Variants in C3orf70 observed in about 807,000 individuals in gnomAD.
C3orf70 encodes UPF0524 protein C3orf70.
In C3orf70, 15 loss-of-function variants were observed where a neutral mutation model predicts 20.7. The ratio of observed to expected loss-of-function variants is 0.72; its 90% CI spans 0.48 to 1.11. The LOEUF (loss-of-function observed/expected upper bound fraction) is 1.11. C3orf70 is among the 50% of genes most tolerant of loss of function. The pLI is 0.00. For missense variants in C3orf70, 332 were observed against 317.6 expected (o/e 1.05, Z -0.34); for synonymous variants, 161 against 125.7 (o/e 1.28, Z -1.88).
intron 1 of C3orf70, among the ~76,000 whole-genome samples, chr3:185,136,824 C>T (rs1451534085): frequency 6.6e-6 from 1 of 150,774 alleles, no homozygotes; most frequent in Non-Finnish European, 1.5e-5. Context: ...GCAGGAGAAT[C>T]GCCTGAACCC....
chr3:185,152,791 C>G lies in C3orf70; in HGVS notation c.33G>C (p.Arg11=), dbSNP rs752543182. Residue 11 remains arginine (R), a synonymous_variant, in exon 1 of 2, where the codon CGG becomes CGC. Coordinates refer to ENST00000335012, the MANE Select transcript of C3orf70 (RefSeq NM_001025266.3). The part of the protein sequence containing the change: MSAAASPASE[R]GWKSEKLDEA... ...CATCTAGTTTCTCGCTCTTCCAACC[C>G]CGCTCCGACGCCGGCGAGGCCGCCG... The G allele has an allele frequency of 6.4e-7, 1 of 1,569,530 alleles. No homozygotes were observed. The highest frequency in any genetic ancestry group is 1.1e-5 in the South Asian group (1 of 87,140).
At chr3:185,125,086 GA>G (rs1385961373) in intron 1 of C3orf70, among the ~76,000 whole-genome samples, 1 of 152,104 alleles carries the variant, frequency 6.6e-6, no homozygotes, top group Non-Finnish European at 1.5e-5. Flanking sequence ...CCACCACTTT[GA>G]AAAACAGTTT....
chr3:185,091,933 A>T (rs577555399), intron 1 of C3orf70, among the ~76,000 whole-genome samples: 3 of 16,754 alleles, frequency 1.8e-4, no homozygotes, highest in Non-Finnish European at 1.6e-4. Context: ...ATATATATAT[A>T]TATATATATA....
chr3:185,115,699 C>A (rs560298456), intron 1 of C3orf70, among the ~76,000 whole-genome samples: 1 of 152,284 alleles, frequency 6.6e-6, no homozygotes. Context: ...TATAACAAAG[C>A]CCCATAGCCT....
intron 1 of C3orf70, among the ~76,000 whole-genome samples, chr3:185,130,458 T>C (rs1716503336): frequency 6.6e-6 from 1 of 152,208 alleles, no homozygotes; most frequent in Non-Finnish European, 1.5e-5. Flanking sequence ...ATATAATTTT[T>C]ATTAGTATGA....
At chr3:185,096,700 G>A (rs1487116268) in intron 1 of C3orf70, among the ~76,000 whole-genome samples, 1 of 152,134 alleles carries the variant, frequency 6.6e-6, no homozygotes, top group Non-Finnish European at 1.5e-5. Context: ...CAGAACGTGT[G>A]GTTCCTTGGC....
At chr3:185,099,687 T>C (rs1715782082) in intron 1 of C3orf70, among the ~76,000 whole-genome samples, 1 of 151,930 alleles carries the variant, frequency 6.6e-6, no homozygotes, top group South Asian at 2.1e-4. Context: ...AACAGCATGA[T>C]AGCAGGATCA....
intron 1 of C3orf70, among the ~76,000 whole-genome samples, chr3:185,135,123 C>T (rs78437284): frequency 0.04 from 6,099 of 152,102 alleles, 223 homozygotes; most frequent in East Asian, 0.19. Flanking sequence ...GTCATAACAA[C>T]AAACCAGGGA....
chr3:185,124,754 A>G (rs1393392132), intron 1 of C3orf70, among the ~76,000 whole-genome samples: 1 of 152,206 alleles, frequency 6.6e-6, no homozygotes, highest in Non-Finnish European at 1.5e-5. Flanking sequence ...AGACTGGGAG[A>G]AAATATTTGC....
chr3:185,124,246 A>G (rs943459351), intron 1 of C3orf70, among the ~76,000 whole-genome samples: 1 of 152,214 alleles, frequency 6.6e-6, no homozygotes, highest in Non-Finnish European at 1.5e-5. Context: ...TCAATCCCCC[A>G]TAGGTACCAA....
chr3:185,129,224 C>A (rs551534944), intron 1 of C3orf70, among the ~76,000 whole-genome samples: 5 of 152,152 alleles, frequency 3.3e-5, no homozygotes, highest in East Asian at 1.9e-4. Context: ...TCCTGGCCCC[C>A]CTCCGTCTGC....
rs1286173035 is a variant in C3orf70 at position 185,142,354 on chromosome 3, G to C, written c.196+10274C>G. The stretch of plus-strand genomic sequence containing the variant: ...GCTTCTGTGGCCCCAGCCACTTGGA[G>C]GCTGAGGTGGAAGGACTGCTTGACC... On this transcript the variant is annotated intron_variant, in intron 1 of 1. Coordinates refer to ENST00000335012, the MANE Select transcript of C3orf70 (RefSeq NM_001025266.3). Among the ~76,000 whole-genome samples, 5 of 152,108 alleles carry C rather than the reference G, an allele frequency of 3.3e-5. No homozygotes were observed. The East Asian group carries it at 9.6e-4, about 29-fold the overall frequency.
At chr3:185,128,326 G>A (rs550457879) in intron 1 of C3orf70, among the ~76,000 whole-genome samples, 1 of 152,186 alleles carries the variant, frequency 6.6e-6, no homozygotes, top group South Asian at 2.1e-4. Context: ...TCAGGAGTTC[G>A]AGGCCAGTCT....
intron 1 of C3orf70, among the ~76,000 whole-genome samples, chr3:185,144,714 C>T (rs910814414): frequency 6.1e-5 from 3 of 49,368 alleles, no homozygotes; most frequent in African/African-American, 8.0e-5. Flanking sequence ...TCAGGTGATC[C>T]GCCTGCCTTG....
At chr3:185,136,886 G>T (rs1716638305) in intron 1 of C3orf70, among the ~76,000 whole-genome samples, 2 of 150,802 alleles carry the variant, frequency 1.3e-5, no homozygotes, top group South Asian at 2.1e-4. Context: ...CTCCAGCCTG[G>T]GTGACAGAGC....
chr3:185,131,380 T>C (rs988863318), intron 1 of C3orf70, among the ~76,000 whole-genome samples: 17 of 152,224 alleles, frequency 1.1e-4, no homozygotes, highest in Admixed American at 3.9e-4. Context: ...AACCAAGTGG[T>C]AATATCTTGT....
At chr3:185,095,861 C>T (rs187928564) in intron 1 of C3orf70, among the ~76,000 whole-genome samples, 40 of 151,632 alleles carry the variant, frequency 2.6e-4, no homozygotes, top group Admixed American at 1.2e-3. Context: ...CTCAGCCTCT[C>T]GAATAGCTGC....
intron 1 of C3orf70, among the ~76,000 whole-genome samples, chr3:185,146,209 A>C (rs1399106307): frequency 6.7e-6 from 1 of 149,516 alleles, no homozygotes; most frequent in Non-Finnish European, 1.5e-5. Flanking sequence ...TCAGAACTTC[A>C]CCTCACAGCT....
intron 1 of C3orf70, among the ~76,000 whole-genome samples, chr3:185,113,066 A>C (rs930050062): frequency 2.0e-5 from 3 of 152,178 alleles, no homozygotes; most frequent in African/African-American, 7.2e-5. Flanking sequence ...TTGCAATGAA[A>C]ATAAAGTAGG....
Sources: allele counts gnomAD v4.1 joint callset (sites outside exome capture counted in the v4.1 genomes callset), GRCh38; gene constraint gnomAD v4.1.1; transcripts MANE v1.5; gene names NCBI Gene and HGNC (gene_info 2026-07-23, HGNC 2026-07-21).